The following PTPRT variants were observed in gnomAD, a reference collection of about 807,000 sequenced individuals.
PTPRT encodes protein tyrosine phosphatase receptor type T, also known as receptor-type tyrosine-protein phosphatase T.
PTPRT carries 56 observed loss-of-function variants against 176.8 expected under a neutral mutation model. That is an observed-to-expected ratio of 0.32 (90% CI 0.26 to 0.40). The LOEUF is 0.40. Among genes scored for constraint, PTPRT ranks in the 10% least tolerant of loss-of-function variants. PTPRT has a pLI of 1.00. For synonymous variants in PTPRT, 783 were observed against 739.0 expected (o/e 1.06, Z -0.96); for missense variants, 1,540 against 1,908.2 (o/e 0.81, Z 3.60).
At position 42,555,383 on chromosome 20, in the gene PTPRT, T is replaced by C. The variant is rs149735933; in HGVS notation, c.1154-82821A>G. On this transcript the variant is annotated intron_variant, in intron 7 of 30. Coordinates refer to ENST00000373187, the MANE Select transcript of PTPRT (RefSeq NM_007050.6). Reference sequence around the variant, plus strand: ...ACAGTCTAGGGCGGCCAGGTGCAGATAGAAAATTTAAAAACTAAATAAGTA... The same window carrying C: ...ACAGTCTAGGGCGGCCAGGTGCAGACAGAAAATTTAAAAACTAAATAAGTA... Among the ~76,000 whole-genome samples the C allele has an allele frequency of 2.3e-4, 35 of 152,202 alleles. No individual in the cohort carries two copies. In the East Asian group the frequency reaches 3.3e-3, roughly 14 times the overall value.
chr20:42,363,296 A>ATTT lies in PTPRT; in HGVS notation c.1561-11012_1561-11011insAAA, dbSNP rs2058463817. Among the ~76,000 whole-genome samples, 5 of 22,748 alleles carry ATTT rather than the reference A, an allele frequency of 2.2e-4. 1 individual carries two copies. The East Asian group carries it at 4.1e-3, about 19-fold the overall frequency. The allele number at this position is 22,748 out of a possible 152,430, so 14.9% of individuals were successfully genotyped here. A position where few individuals can be genotyped will look rare whatever the true frequency, so the allele number is the denominator to read the frequency against. ...TATATATATATATATATATATATAT[A>ATTT]TATATTTTTTTTTTTTTTTTTTTTT... On this transcript the variant is annotated intron_variant, in intron 9 of 30. Transcript: ENST00000373187.
At chr20:42,312,204 G>T (rs1478847232) in intron 12 of PTPRT, among the ~76,000 whole-genome samples, 1 of 152,054 alleles carries the variant, frequency 6.6e-6, no homozygotes, top group East Asian at 1.9e-4. Flanking sequence ...TTGATTAATT[G>T]CTCAGTCAAT....
intron 7 of PTPRT, among the ~76,000 whole-genome samples, chr20:42,481,343 C>T (rs558305524): frequency 1.3e-3 from 195 of 152,294 alleles, no homozygotes; most frequent in African/African-American, 4.4e-3. Context: ...GACACCATCC[C>T]TAAGGTCGAA....
At chr20:42,082,482 C>A (rs1341432265) in intron 29 of PTPRT, among the ~76,000 whole-genome samples, 1 of 152,152 alleles carries the variant, frequency 6.6e-6, no homozygotes, top group Non-Finnish European at 1.5e-5. Context: ...TGAAAATTTC[C>A]AAGTGATTTT....
intron 7 of PTPRT, among the ~76,000 whole-genome samples, chr20:42,560,336 G>A (rs912445119): frequency 2.0e-5 from 3 of 152,144 alleles, no homozygotes; most frequent in Admixed American, 6.6e-5. Flanking sequence ...TTTGTACAGT[G>A]GCTACATTCT....
chr20:42,095,576 A>G (rs1353148082), intron 27 of PTPRT, among the ~76,000 whole-genome samples: 3 of 152,212 alleles, frequency 2.0e-5, no homozygotes, highest in African/African-American at 7.2e-5. Flanking sequence ...TCCTATTGCA[A>G]TGACATTCTA....
intron 7 of PTPRT, among the ~76,000 whole-genome samples, chr20:42,484,921 C>T (rs542485126): frequency 1.2e-3 from 181 of 152,304 alleles, no homozygotes; most frequent in African/African-American, 4.2e-3. Context: ...TGCTTCCCAG[C>T]TCCATCTCAG....
intron 9 of PTPRT, among the ~76,000 whole-genome samples, chr20:42,412,663 A>T (rs1235652777): frequency 6.6e-6 from 1 of 152,252 alleles, no homozygotes; most frequent in African/African-American, 2.4e-5. Context: ...ATTTCTATCC[A>T]TGAATGGATG....
At chr20:42,844,005 G>T (rs1308350606) in intron 2 of PTPRT, among the ~76,000 whole-genome samples, 2 of 152,206 alleles carry the variant, frequency 1.3e-5, no homozygotes, top group African/African-American at 2.4e-5. Flanking sequence ...AGAAGATAAT[G>T]AGAAAAAACA....
At chr20:42,962,658 T>C (rs975141224) in intron 1 of PTPRT, among the ~76,000 whole-genome samples, 1 of 152,222 alleles carries the variant, frequency 6.6e-6, no homozygotes, top group Non-Finnish European at 1.5e-5. Context: ...TTTAAAGCAC[T>C]CTGTTCATTT....
At chr20:43,145,615 A>G (rs546804340) in intron 1 of PTPRT, among the ~76,000 whole-genome samples, 1 of 152,354 alleles carries the variant, frequency 6.6e-6, no homozygotes, top group South Asian at 2.1e-4. Flanking sequence ...GATGAAAAAG[A>G]GAATGTGAAC....
chr20:42,972,435 G>A (rs1982700330), intron 1 of PTPRT, among the ~76,000 whole-genome samples: 1 of 151,636 alleles, frequency 6.6e-6, no homozygotes, highest in Non-Finnish European at 1.5e-5. Flanking sequence ...GCCGAGGTGA[G>A]CAGATAACTT....
chr20:42,291,313 C>T (rs2057313188), intron 12 of PTPRT, among the ~76,000 whole-genome samples: 1 of 152,132 alleles, frequency 6.6e-6, no homozygotes, highest in South Asian at 2.1e-4. Context: ...TAGACATGGT[C>T]CCTGTCCTCA....
intron 7 of PTPRT, among the ~76,000 whole-genome samples, chr20:42,562,865 C>G (rs4810360): frequency 0.14 from 21,587 of 152,066 alleles, 1,910 homozygotes; most frequent in Admixed American, 0.27. Context: ...TCCTGGCCTT[C>G]AGAATAAATT....
intron 1 of PTPRT, among the ~76,000 whole-genome samples, chr20:42,943,991 C>T (rs749716488): frequency 6.6e-5 from 10 of 152,062 alleles, no homozygotes; most frequent in Non-Finnish European, 1.3e-4. Flanking sequence ...TGCACTCCAA[C>T]CTGGGTGACA....
chr20:43,179,029 AC>A lies in PTPRT; in HGVS notation c.88+10616del, dbSNP rs199800430. Among the ~76,000 whole-genome samples the A allele has an allele frequency of 5.1e-3, 782 of 152,188 alleles. 2 individuals are homozygous for A. Among genetic ancestry groups the A allele is most frequent in the Non-Finnish European group, 7.7e-3 (525 of 68,006 alleles). ...AATGGGGATCTTTGGAATCACCACC[AC>A]CCCCGAATGAAACAATTAAACTGTA... On this transcript the variant is annotated intron_variant, in intron 1 of 30. Transcript: ENST00000373187.
At chr20:42,887,784 A>G (rs978036696) in intron 1 of PTPRT, among the ~76,000 whole-genome samples, 1 of 152,198 alleles carries the variant, frequency 6.6e-6, no homozygotes, top group Non-Finnish European at 1.5e-5. Context: ...GCCTTCAGCA[A>G]CTACTATGGT....
At chr20:42,105,571 G>A (rs1986361831) in intron 24 of PTPRT, among the ~76,000 whole-genome samples, 1 of 152,140 alleles carries the variant, frequency 6.6e-6, no homozygotes, top group South Asian at 2.1e-4. Flanking sequence ...TGCAGAACTT[G>A]GTCAGTTTCT....
chr20:43,110,674 G>A (rs568069804), intron 1 of PTPRT, among the ~76,000 whole-genome samples: 21 of 152,276 alleles, frequency 1.4e-4, no homozygotes, highest in East Asian at 1.9e-4. Flanking sequence ...TCAGTAAAAC[G>A]TTTATTAAAA....
Sources: allele counts gnomAD v4.1 joint callset (sites outside exome capture counted in the v4.1 genomes callset), GRCh38; gene constraint gnomAD v4.1.1; transcripts MANE v1.5; gene names NCBI Gene and HGNC (gene_info 2026-07-23, HGNC 2026-07-21).